PRSS23: variants seen among roughly 807,000 people sequenced by gnomAD.
PRSS23 encodes protease, serine 23.
PRSS23 carries 25 observed loss-of-function variants against 34.7 expected under a neutral mutation model. That is an observed-to-expected ratio of 0.72 (90% confidence interval 0.53 to 1.01). The LOEUF (loss-of-function observed/expected upper bound fraction) is 1.01, where lower values mean the gene tolerates loss of function less well. PRSS23 is among the 50% of genes least tolerant of loss of function. The pLI is 0.00. For missense variants in PRSS23, 445 were observed against 475.6 expected (o/e 0.94, Z 0.60); for synonymous variants, 176 against 186.6 (o/e 0.94, Z 0.46).
chr11:86,833,701 C>T (rs61906681), intron 2 of PRSS23, among the ~76,000 whole-genome samples: 27,333 of 151,926 alleles, frequency 0.18, 2,804 homozygotes, highest in East Asian at 0.46. Flanking sequence ...ATTGGTCGGG[C>T]GTGAGCTAAG....
At chr11:86,800,510 G>C, upstream of PRSS23, 1 of 984,382 alleles carries the variant, frequency 1.0e-6, no homozygotes, top group Non-Finnish European at 1.2e-6. Flanking sequence ...GGGCGGACCC[G>C]CCAGCTGCCT....
upstream of PRSS23, among the ~76,000 whole-genome samples, chr11:86,797,027 G>A (rs141289879): frequency 1.2e-3 from 190 of 152,250 alleles, no homozygotes; most frequent in African/African-American, 4.1e-3. Flanking sequence ...TACATTCCTC[G>A]AGCTGAGGGG....
At chr11:86,909,364 C>T (rs1400658467) in intron 2 of PRSS23, 3 of 152,238 alleles carry the variant, frequency 2.0e-5, no homozygotes, top group Non-Finnish European at 4.4e-5. Context: ...TGAACCCAAT[C>T]CAAGGGGCTG....
chr11:86,859,816 T>A (rs1216298183), intron 2 of PRSS23, among the ~76,000 whole-genome samples: 1 of 152,052 alleles, frequency 6.6e-6, no homozygotes, highest in Admixed American at 6.6e-5. Context: ...AAGAATGTTA[T>A]GACTCCCAAT....
intron 2 of PRSS23, among the ~76,000 whole-genome samples, chr11:86,921,053 T>C (rs1342103791): frequency 6.6e-6 from 1 of 152,230 alleles, no homozygotes; most frequent in African/African-American, 2.4e-5. Context: ...CTGGTCTCCC[T>C]GTTCAGCTCC....
At chr11:86,895,864 A>G (rs1948871837) in intron 2 of PRSS23, among the ~76,000 whole-genome samples, 1 of 152,190 alleles carries the variant, frequency 6.6e-6, no homozygotes, top group Admixed American at 6.5e-5. Flanking sequence ...ATTCATGTCA[A>G]TTACGGCCAG....
At chr11:86,825,794 T>C (rs1948295496) in intron 2 of PRSS23, among the ~76,000 whole-genome samples, 1 of 150,580 alleles carries the variant, frequency 6.6e-6, no homozygotes, top group African/African-American at 2.4e-5. Context: ...TAGTTGTAGA[T>C]ATGCGGCGTT....
chr11:86,950,958 G>T, intron 2 of PRSS23: 1 of 678,178 alleles, frequency 1.5e-6, no homozygotes, highest in Non-Finnish European at 2.6e-6. Flanking sequence ...TCCAAAGTCT[G>T]CAGCAAAATC....
At chr11:86,876,081 C>T (rs1225858661) in intron 2 of PRSS23, among the ~76,000 whole-genome samples, 1 of 152,180 alleles carries the variant, frequency 6.6e-6, no homozygotes, top group Non-Finnish European at 1.5e-5. Flanking sequence ...TTATTTTCCA[C>T]ACAGTGCAAT....
chr11:86,949,351 G>T (rs1394287573), intron 2 of PRSS23: 5 of 149,240 alleles, frequency 3.4e-5, no homozygotes, highest in Admixed American at 1.3e-4. Flanking sequence ...TCCAGAATTT[G>T]ACCACCTTTT....
chr11:86,793,016 C>T (rs1283473684), intron 1 of PRSS23, among the ~76,000 whole-genome samples: 1 of 152,186 alleles, frequency 6.6e-6, no homozygotes, highest in East Asian at 1.9e-4. Flanking sequence ...TCACTAGGCT[C>T]AGCTAATTTT....
chr11:86,845,521 T>C (rs1294254748), intron 2 of PRSS23, among the ~76,000 whole-genome samples: 1 of 152,220 alleles, frequency 6.6e-6, no homozygotes, highest in African/African-American at 2.4e-5. Flanking sequence ...TCAACTCATA[T>C]GACAGTGATG....
At chr11:86,878,773 G>A (rs1948744243) in intron 2 of PRSS23, among the ~76,000 whole-genome samples, 1 of 151,814 alleles carries the variant, frequency 6.6e-6, no homozygotes, top group Non-Finnish European at 1.5e-5. Flanking sequence ...AGTCTGGAAA[G>A]TGAGGAGCGT....
intron 2 of PRSS23, among the ~76,000 whole-genome samples, chr11:86,862,043 T>C (rs950046988): frequency 2.6e-5 from 4 of 151,680 alleles, no homozygotes; most frequent in African/African-American, 9.7e-5. Flanking sequence ...CCCCTTGTGG[T>C]ATTGTTTGTA....
chr11:86,858,427 C>T (rs1409391266), intron 2 of PRSS23, among the ~76,000 whole-genome samples: 2 of 151,814 alleles, frequency 1.3e-5, no homozygotes, highest in Non-Finnish European at 2.9e-5. Context: ...TGCACACAAC[C>T]CTGTGATATT....
chr11:86,916,912 A>G (rs951698679), intron 2 of PRSS23, among the ~76,000 whole-genome samples: 2 of 152,230 alleles, frequency 1.3e-5, no homozygotes, highest in Non-Finnish European at 2.9e-5. Flanking sequence ...AGAGCTTTAT[A>G]CCTTTCTGTA....
At chr11:86,949,805 T>C (rs987653846) in intron 2 of PRSS23, 4 of 152,682 alleles carry the variant, frequency 2.6e-5, no homozygotes, top group African/African-American at 9.6e-5. Flanking sequence ...TGGAGATTCA[T>C]TAAGCACCAT....
chr11:86,939,426 A>ATATATATAT, intron 2 of PRSS23, among the ~76,000 whole-genome samples: 1 of 94,070 alleles, frequency 1.1e-5, no homozygotes, highest in Non-Finnish European at 2.3e-5. Context: ...ATATATATAT[A>ATATATATAT]TTTTTTAACA....
At chr11:86,832,944 C>A (rs529840538) in intron 2 of PRSS23, 12 of 362,792 alleles carry the variant, frequency 3.3e-5, no homozygotes, top group South Asian at 2.8e-4. Flanking sequence ...ATTTCCACAT[C>A]CTTGATGCAG....
Sources: gnomAD v4.1 joint callset for allele counts (sites outside exome capture counted in the v4.1 genomes callset) on GRCh38, gnomAD v4.1.1 for gene constraint, MANE v1.5 for transcripts, NCBI Gene and HGNC (gene_info 2026-07-23, HGNC 2026-07-21) for gene names.